The following CFAP58 variants were observed in gnomAD, a reference collection of about 807,000 sequenced individuals.
CFAP58 encodes cilia- and flagella-associated protein 58.
A neutral mutation model predicts 119.5 loss-of-function variants in CFAP58; 88 were observed. The observed-to-expected ratio is 0.74, with a 90% CI of 0.62 to 0.88. The LOEUF is 0.88. Ranked by LOEUF, CFAP58 falls within the 40% of genes least tolerant of loss-of-function variation. CFAP58 has a pLI of 0.00. For missense variants in CFAP58, 990 were observed against 1,021.2 expected, an observed-to-expected ratio of 0.97 and a Z score of 0.42; for synonymous variants, 365 against 366.3, an observed-to-expected ratio of 1.00 and a Z score of 0.04.
At chr10:104,367,248 T>G (rs973097198) in intron 5 of CFAP58, among the ~76,000 whole-genome samples, 5 of 152,194 alleles carry the variant, frequency 3.3e-5, no homozygotes, top group African/African-American at 4.8e-5. Flanking sequence ...TAACACTTCC[T>G]CTATTATAGC....
At chr10:104,428,175 G>A (rs2012782074) in intron 15 of CFAP58, among the ~76,000 whole-genome samples, 1 of 152,178 alleles carries the variant, frequency 6.6e-6, no homozygotes, top group African/African-American at 2.4e-5. Context: ...CAAGGGAGGA[G>A]TGAACTTCCA....
intron 15 of CFAP58, among the ~76,000 whole-genome samples, chr10:104,416,350 AG>A (rs1820914684): frequency 6.6e-6 from 1 of 152,188 alleles, no homozygotes; most frequent in South Asian, 2.1e-4. Context: ...CTAGAGGCCT[AG>A]GTAAGGGGCA....
At chr10:104,431,460 T>G (rs1054312395) in intron 15 of CFAP58, among the ~76,000 whole-genome samples, 1 of 152,200 alleles carries the variant, frequency 6.6e-6, no homozygotes. Flanking sequence ...AAACTATAAA[T>G]ATATTTCTAC....
At chr10:104,440,446 C>T (rs1180096023) in intron 15 of CFAP58, among the ~76,000 whole-genome samples, 5 of 152,122 alleles carry the variant, frequency 3.3e-5, no homozygotes, top group Non-Finnish European at 4.4e-5. Context: ...ATTCATCCTC[C>T]CTATCCTTGC....
intron 15 of CFAP58, among the ~76,000 whole-genome samples, chr10:104,429,317 C>T (rs778890156): frequency 1.6e-4 from 24 of 151,902 alleles, no homozygotes; most frequent in Non-Finnish European, 2.4e-4. Flanking sequence ...GTCCTGGTGG[C>T]GAGGGCAGAG....
chr10:104,367,461 T>A (rs2135257251), intron 5 of CFAP58, among the ~76,000 whole-genome samples: 1 of 152,294 alleles, frequency 6.6e-6, no homozygotes, highest in South Asian at 2.1e-4. Flanking sequence ...CTCTATTAAT[T>A]TTGTATAAAG....
chr10:104,428,408 A>AG (rs1564901688), intron 15 of CFAP58, among the ~76,000 whole-genome samples: 1 of 152,210 alleles, frequency 6.6e-6, no homozygotes, highest in Non-Finnish European at 1.5e-5. Context: ...GAAACATTGG[A>AG]GGGAAAAAAA....
chr10:104,363,263 C>T (rs200269309), intron 3 of CFAP58, among the ~76,000 whole-genome samples: 19 of 152,218 alleles, frequency 1.2e-4, no homozygotes. Context: ...ACCTTTATAT[C>T]CCCTCCAGGA....
chr10:104,355,092 A>G (rs1389572053), intron 1 of CFAP58, among the ~76,000 whole-genome samples: 1 of 151,828 alleles, frequency 6.6e-6, no homozygotes, highest in Non-Finnish European at 1.5e-5. Context: ...CATCACTCAC[A>G]TCTCTCTCTG....
At chr10:104,386,292 C>T (rs568851588) in intron 9 of CFAP58, among the ~76,000 whole-genome samples, 4 of 150,788 alleles carry the variant, frequency 2.7e-5, no homozygotes, top group Admixed American at 1.3e-4. Context: ...GCAGGCAAAT[C>T]GCTTGAACCT....
At chr10:104,347,311 C>A in the CFAP58 span, among the ~76,000 whole-genome samples, 5 of 151,982 alleles carry the variant, frequency 3.3e-5, no homozygotes, top group Admixed American at 3.3e-4. Flanking sequence ...GTCTGGAGAC[C>A]CTTTGGGAGC....
intron 15 of CFAP58, among the ~76,000 whole-genome samples, chr10:104,434,465 G>T (rs939159994): frequency 2.4e-4 from 37 of 152,326 alleles, no homozygotes; most frequent in African/African-American, 8.2e-4. Context: ...TATACAGGGT[G>T]TGAGGAATGA....
intron 6 of CFAP58, 26 bp downstream of exon 6, chr10:104,368,586 C>G (rs746080773): frequency 1.2e-6 from 2 of 1,611,932 alleles, no homozygotes; most frequent in Admixed American, 3.3e-5. Context: ...CATGTCTGTT[C>G]CCTAGCTCTT....
rs750294814 is a variant in CFAP58, at chr10:104,371,039, G to A, written c.1075G>A (p.Val359Met). Reference sequence around the variant, plus strand: ...CAAAGAAACCCTAAAAAATCAGATTGTGGGATTAGAGAGAGGTAAACCATT... The same window carrying A: ...CAAAGAAACCCTAAAAAATCAGATTATGGGATTAGAGAGAGGTAAACCATT... ...QHKETLKNQI[V>M]GLEREVEASK... The change falls in exon 7 of 18, where the codon GTG (valine) becomes ATG (methionine). Residue 359 changes from valine (V) to methionine (M), a missense_variant. Transcript: ENST00000369704. 29 of 1,609,684 alleles carry A rather than the reference G, an allele frequency of 1.8e-5. No individual in the cohort carries two copies. The Admixed American group carries it at 4.1e-4, about 23-fold the overall frequency.
Position 104,365,851 on chromosome 10 carries a change from C to G in CFAP58, c.635C>G (p.Ser212Cys), listed in dbSNP as rs374276193. 17 of 1,612,862 alleles carry G rather than the reference C, an allele frequency of 1.1e-5. No individual in the cohort carries two copies. The highest frequency in any genetic ancestry group is 1.4e-5 in the Non-Finnish European group (16 of 1,179,640). ...ATCCAGCAACGTCAGAACGAAGCTT[C>G]CCGGGAGTTCCGGAAGAAGGAAAAA... ...QEIQQRQNEA[S>C]REFRKKEKLE... is the part of the protein sequence containing the mutation. Residue 212 changes from serine (S) to cysteine (C), a missense_variant, in exon 5 of 18, where the codon TCC (serine) becomes TGC (cysteine). Physicochemically the swap from Ser to Cys is moderately radical, Grantham distance 112. Coordinates refer to ENST00000369704, the MANE Select transcript of CFAP58 (RefSeq NM_001008723.2).
intron 15 of CFAP58, among the ~76,000 whole-genome samples, chr10:104,409,521 A>G (rs1023181356): frequency 2.0e-5 from 3 of 152,106 alleles, no homozygotes; most frequent in Non-Finnish European, 2.9e-5. Context: ...TGTTAATTGT[A>G]TTGTCCACAT....
chr10:104,380,490 T>C (rs2011769543), intron 9 of CFAP58, among the ~76,000 whole-genome samples: 2 of 152,140 alleles, frequency 1.3e-5, no homozygotes, highest in South Asian at 4.1e-4. Context: ...TCTTCTCTGT[T>C]GCCATGCTGT....
At chr10:104,409,274 T>C (rs1381033167) in intron 15 of CFAP58, among the ~76,000 whole-genome samples, 1 of 152,184 alleles carries the variant, frequency 6.6e-6, no homozygotes, top group East Asian at 1.9e-4. Flanking sequence ...TTTAGGATAA[T>C]TAAAAGTGTA....
Position 104,454,493 on chromosome 10 carries a change from G to T in CFAP58, c.2582G>T (p.Gly861Val), listed in dbSNP as rs2013248520. The T allele has an allele frequency of 1.2e-6, 2 of 1,613,818 alleles. No individual in the cohort carries two copies. Among genetic ancestry groups the T allele is most frequent in the Non-Finnish European group, 1.7e-6 (2 of 1,179,820 alleles). Reference protein sequence around the residue: ...VKPNGPGFTGGGFPLRSTKMT... With the variant: ...VKPNGPGFTGVGFPLRSTKMT... ...CCAAATGGTCCTGGTTTTACTGGGGGCGGATTTCCTCTCAGGTCAACCAAA... is the reference window on the plus strand; with the variant it reads ...CCAAATGGTCCTGGTTTTACTGGGGTCGGATTTCCTCTCAGGTCAACCAAA... The change falls in exon 18 of 18, where the codon GGC (glycine) becomes GTC (valine). Residue 861 changes from glycine to valine, a missense_variant. Coordinates refer to ENST00000369704, the MANE Select transcript of CFAP58 (RefSeq NM_001008723.2).
Sources: gnomAD v4.1 joint callset for allele counts (sites outside exome capture counted in the v4.1 genomes callset) on GRCh38, gnomAD v4.1.1 for gene constraint, MANE v1.5 for transcripts, NCBI Gene and HGNC (gene_info 2026-07-23, HGNC 2026-07-21) for gene names.